UTS2B: variants seen among roughly 807,000 people sequenced by gnomAD.
The protein encoded by UTS2B is urotensin-2B.
Under a neutral mutation model 19.2 loss-of-function variants are expected in UTS2B, and 21 were observed. The observed-to-expected ratio is 1.09, with a 90% CI of 0.78 to 1.58. The LOEUF (loss-of-function observed/expected upper bound fraction) is 1.58. Ranked by LOEUF, UTS2B falls within the 40% of genes most tolerant of loss-of-function variation. The pLI, the probability that UTS2B is intolerant of heterozygous loss-of-function variation, is 0.00. For synonymous variants in UTS2B, 57 were observed against 50.2 expected, an observed-to-expected ratio of 1.14 and a Z score of -0.58; for missense variants, 138 against 130.3, an observed-to-expected ratio of 1.06 and a Z score of -0.29.
chr3:191,293,728 A>T (rs1229327369), intron 4 of UTS2B, among the ~76,000 whole-genome samples: 1 of 151,954 alleles, frequency 6.6e-6, no homozygotes, highest in Non-Finnish European at 1.5e-5. Flanking sequence ...TCAAACATAA[A>T]CATGCTATAA....
At chr3:191,320,404 A>C (rs942453536) in intron 2 of UTS2B, among the ~76,000 whole-genome samples, 1 of 152,234 alleles carries the variant, frequency 6.6e-6, no homozygotes, top group Non-Finnish European at 1.5e-5. Flanking sequence ...AGGGAATGAG[A>C]GGAAGCCAGG....
chr3:191,285,829 G>A (rs1273402022), intron 4 of UTS2B, among the ~76,000 whole-genome samples: 1 of 152,088 alleles, frequency 6.6e-6, no homozygotes, highest in Non-Finnish European at 1.5e-5. Context: ...AACCCAGGAG[G>A]CGGAGGTTGC....
intron 1 of UTS2B, chr3:191,329,242 A>C (rs910298208): frequency 2.3e-5 from 4 of 172,296 alleles, no homozygotes; most frequent in African/African-American, 9.6e-5. Context: ...GTCACTGAGC[A>C]CAAAGGAGAC....
chr3:191,268,881 T>A (rs1199134846), intron 8 of UTS2B, among the ~76,000 whole-genome samples: 1 of 152,182 alleles, frequency 6.6e-6, no homozygotes, highest in Non-Finnish European at 1.5e-5. Flanking sequence ...CTAATGAGAA[T>A]CTATCTGTTG....
At chr3:191,321,139 GT>G (rs1250573520) in intron 2 of UTS2B, among the ~76,000 whole-genome samples, 2 of 152,154 alleles carry the variant, frequency 1.3e-5, no homozygotes, top group Non-Finnish European at 2.9e-5. Context: ...GCATTTAAAT[GT>G]TTGGAAAATG....
At chr3:191,284,202 T>A (rs894651298) in intron 4 of UTS2B, among the ~76,000 whole-genome samples, 1 of 151,848 alleles carries the variant, frequency 6.6e-6, no homozygotes, top group African/African-American at 2.4e-5. Context: ...TTCTATTTTT[T>A]AAAAAGTGTT....
At chr3:191,309,989 G>A (rs1347618533) in intron 3 of UTS2B, among the ~76,000 whole-genome samples, 1 of 150,402 alleles carries the variant, frequency 6.6e-6, no homozygotes, top group African/African-American at 2.5e-5. Flanking sequence ...TTGTGGCAGG[G>A]TCTCACTCTG....
At chr3:191,301,782 C>G (rs1717009997) in intron 4 of UTS2B, among the ~76,000 whole-genome samples, 1 of 152,176 alleles carries the variant, frequency 6.6e-6, no homozygotes, top group Admixed American at 6.5e-5. Context: ...AGCCACCACG[C>G]CCGGCCAATT....
intron 4 of UTS2B, among the ~76,000 whole-genome samples, chr3:191,296,805 T>C (rs999031662): frequency 2.0e-5 from 3 of 152,182 alleles, no homozygotes; most frequent in Non-Finnish European, 2.9e-5. Flanking sequence ...CAGAATCTCA[T>C]TGCCTAGAGG....
Position 191,281,088 on chromosome 3 carries a change from G to C in UTS2B, c.103+999C>G, listed in dbSNP as rs1716372721. Among the ~76,000 whole-genome samples the C allele has an allele frequency of 6.6e-5, 10 of 152,208 alleles. No homozygotes were observed. In the South Asian group the frequency reaches 2.1e-3, roughly 32 times the overall value. ...TACTTTTTATTGATTGAGGTAACAA[G>C]GTCTGGTAAAATGGAATTAGAATCA... On this transcript the variant is annotated intron_variant, in intron 5 of 8. Coordinates refer to ENST00000340524, the MANE Select transcript of UTS2B (RefSeq NM_198152.5).
chr3:191,282,414 T>G (rs920171619), intron 4 of UTS2B, 101 bp from the exon 5 acceptor site: 1 of 444,050 alleles, frequency 2.3e-6, no homozygotes, highest in East Asian at 3.7e-5. Flanking sequence ...AGATTTGTTA[T>G]GGAGTCAATG....
At chr3:191,344,134 G>A in the UTS2B span, among the ~76,000 whole-genome samples, 1 of 152,210 alleles carries the variant, frequency 6.6e-6, no homozygotes, top group African/African-American at 2.4e-5. Flanking sequence ...ATTATGCAGT[G>A]TGCTTGCAAG....
At chr3:191,338,906 G>A in the UTS2B span, among the ~76,000 whole-genome samples, 2 of 152,146 alleles carry the variant, frequency 1.3e-5, no homozygotes, top group Non-Finnish European at 2.9e-5. Flanking sequence ...CCAGTAAAGT[G>A]ATATGGTCAT....
the UTS2B span, among the ~76,000 whole-genome samples, chr3:191,341,769 G>C: frequency 8.5e-5 from 13 of 152,204 alleles, no homozygotes; most frequent in East Asian, 3.8e-4. Flanking sequence ...AGAGCCAAAG[G>C]GTTGACAGAA....
chr3:191,342,904 C>T, the UTS2B span, among the ~76,000 whole-genome samples: 61 of 152,214 alleles, frequency 4.0e-4, no homozygotes, highest in African/African-American at 1.3e-3. Flanking sequence ...CTGTTTTTTT[C>T]GTAGAATGTC....
At chr3:191,320,719 A>G (rs995566309) in intron 2 of UTS2B, among the ~76,000 whole-genome samples, 1 of 152,236 alleles carries the variant, frequency 6.6e-6, no homozygotes, top group African/African-American at 2.4e-5. Flanking sequence ...GCTGAAGGAT[A>G]AATGCAGGGT....
chr3:191,317,587 T>A (rs1012813262), intron 2 of UTS2B, among the ~76,000 whole-genome samples: 28 of 152,180 alleles, frequency 1.8e-4, no homozygotes, highest in African/African-American at 6.5e-4. Flanking sequence ...TTGTTGTTGT[T>A]GTTGTTGTTG....
intron 8 of UTS2B, among the ~76,000 whole-genome samples, chr3:191,269,779 C>G (rs1025819859): frequency 1.1e-4 from 16 of 152,166 alleles, no homozygotes; most frequent in African/African-American, 3.6e-4. Context: ...TTACACTTAG[C>G]CAAGACTTAT....
chr3:191,282,137 G>T lies in UTS2B; in HGVS notation c.53C>A (p.Ser18Tyr), dbSNP rs190479512. The T allele has an allele frequency of 3.1e-5, 50 of 1,613,380 alleles. No homozygotes were observed. The Admixed American group carries it at 8.2e-4, about 26-fold the overall frequency. Residue 18 changes from serine (S) to tyrosine (Y), a missense_variant, in exon 5 of 9, where the codon TCC becomes TAC. Coordinates refer to ENST00000340524, the MANE Select transcript of UTS2B (RefSeq NM_198152.5). ...TVCFGLLTLL[S>Y]VLSFLQSVHG... is the part of the protein sequence containing the mutation. ...CACAGATTGTAAAAAACTCAACACG[G>T]ATAACAAAGTTAGGAGTCCAAAGCA...
Sources: allele counts gnomAD v4.1 joint callset (sites outside exome capture counted in the v4.1 genomes callset), GRCh38; gene constraint gnomAD v4.1.1; transcripts MANE v1.5; gene names NCBI Gene and HGNC (gene_info 2026-07-23, HGNC 2026-07-21).